The following RELN variants were observed in gnomAD, a reference collection of about 807,000 sequenced individuals.
RELN encodes the protein reelin.
Under a neutral mutation model 427.6 loss-of-function variants are expected in RELN, and 108 were observed. The ratio of observed to expected loss-of-function variants is 0.25; its 90% CI spans 0.22 to 0.30. The LOEUF is 0.30. Ranked by LOEUF, RELN falls within the 10% of genes least tolerant of loss-of-function variation. The pLI is 1.00. For missense variants in RELN, 3,715 were observed against 4,302.8 expected, an observed-to-expected ratio of 0.86 and a Z score of 3.82; for synonymous variants, 1,524 against 1,513.4, an observed-to-expected ratio of 1.01 and a Z score of -0.16.
chr7:103,709,934 A>T (rs1179487171), intron 8 of RELN, among the ~76,000 whole-genome samples: 1 of 152,216 alleles, frequency 6.6e-6, no homozygotes, highest in Non-Finnish European at 1.5e-5. Flanking sequence ...TAAAGGGAAG[A>T]TAAGATGTAA....
chr7:103,967,054 C>T (rs1219951082), intron 1 of RELN, among the ~76,000 whole-genome samples: 1 of 152,140 alleles, frequency 6.6e-6, no homozygotes, highest in Admixed American at 6.5e-5. Flanking sequence ...CTATTAATAG[C>T]TGACATTTAT....
intron 2 of RELN, among the ~76,000 whole-genome samples, chr7:103,907,414 GGAAAAAAA>G (rs1388130816): frequency 1.0e-4 from 4 of 39,714 alleles, no homozygotes; most frequent in African/African-American, 1.3e-4. Context: ...TCAAGGCTCT[GGAAAAAAA>G]AAAAAAAAAA....
rs775118980 is a variant in RELN, at chr7:103,492,029, AAAAC to A, written c.9370-7_9370-4del. On this transcript the variant is annotated splice_region_variant and splice_polypyrimidine_tract_variant and intron_variant, in intron 57 of 64. Transcript: ENST00000428762. ...GTGGCTTCACAACCCACCACAATCT[AAAAC>A]AAACATAAACAATCAATACACAGGT... The A allele has an allele frequency of 1.9e-6, 3 of 1,610,288 alleles. No individual in the cohort carries two copies. The highest frequency in any genetic ancestry group is 2.5e-6 in the Non-Finnish European group (3 of 1,177,334).
At chr7:103,725,085 A>G (rs1364564933) in intron 7 of RELN, among the ~76,000 whole-genome samples, 2 of 152,184 alleles carry the variant, frequency 1.3e-5, no homozygotes, top group African/African-American at 2.4e-5. Context: ...TAAATTATAA[A>G]TACACTCAAA....
intron 6 of RELN, among the ~76,000 whole-genome samples, chr7:103,736,135 G>A (rs1790486228): frequency 6.6e-6 from 1 of 152,122 alleles, no homozygotes; most frequent in Non-Finnish European, 1.5e-5. Flanking sequence ...GACCTTGCCG[G>A]CCATTTGGTA....
intron 38 of RELN, among the ~76,000 whole-genome samples, chr7:103,554,355 T>C (rs1456421092): frequency 1.5e-5 from 2 of 136,420 alleles, no homozygotes; most frequent in South Asian, 2.1e-4. Context: ...GATGGGCAGA[T>C]TGCCCAAGCC....
chr7:103,882,599 TAAAGG>T (rs1794633271), intron 2 of RELN, among the ~76,000 whole-genome samples: 1 of 151,916 alleles, frequency 6.6e-6, no homozygotes, highest in Non-Finnish European at 1.5e-5. Context: ...AAAAAAATGA[TAAAGG>T]AGAGATCACC....
At chr7:103,579,531 G>A (rs1051157993) in intron 28 of RELN, among the ~76,000 whole-genome samples, 2 of 151,280 alleles carry the variant, frequency 1.3e-5, no homozygotes, top group Non-Finnish European at 2.9e-5. Context: ...CCTGGGAGAT[G>A]GAGGTTGCAG....
chr7:103,883,666 G>C (rs1383916660), intron 2 of RELN, among the ~76,000 whole-genome samples: 1 of 152,146 alleles, frequency 6.6e-6, no homozygotes, highest in Non-Finnish European at 1.5e-5. Flanking sequence ...CAAATCATGA[G>C]TGAACTACCA....
At chr7:103,873,065 C>T (rs1456451356) in intron 2 of RELN, among the ~76,000 whole-genome samples, 2 of 151,724 alleles carry the variant, frequency 1.3e-5, no homozygotes, top group East Asian at 1.9e-4. Flanking sequence ...TCAAAGCCGC[C>T]CAACTACATG....
intron 51 of RELN, among the ~76,000 whole-genome samples, chr7:103,504,677 G>A (rs1011507958): frequency 1.3e-5 from 2 of 152,200 alleles, no homozygotes; most frequent in Non-Finnish European, 2.9e-5. Context: ...AAGGGAAGCC[G>A]TGAGCAACTG....
At chr7:103,630,779 G>A (rs989811037) in intron 19 of RELN, among the ~76,000 whole-genome samples, 1 of 151,270 alleles carries the variant, frequency 6.6e-6, no homozygotes, top group African/African-American at 2.4e-5. Flanking sequence ...ATTTGTCACC[G>A]TCAAAGTACA....
intron 2 of RELN, among the ~76,000 whole-genome samples, chr7:103,889,342 G>A (rs1054032217): frequency 9.8e-5 from 15 of 152,300 alleles, no homozygotes; most frequent in African/African-American, 3.6e-4. Context: ...TACCCATTAA[G>A]AGCACTGACA....
Position 103,864,109 on chromosome 7 carries a change from G to C in RELN, c.338-30437C>G, listed in dbSNP as rs112509220. Among the ~76,000 whole-genome samples, 730 of 152,196 alleles carry C rather than the reference G, an allele frequency of 4.8e-3. 10 individuals are homozygous for C. The highest frequency in any genetic ancestry group is 0.017 in the African/African-American group (704 of 41,530). ...TGCTCTCTAGATGGGCAGGTAGATA[G>C]GATCACTCACATCATTTACTTTTTA... On this transcript the variant is annotated intron_variant, in intron 2 of 64. Coordinates refer to ENST00000428762, the MANE Select transcript of RELN (RefSeq NM_005045.4).
intron 52 of RELN, among the ~76,000 whole-genome samples, chr7:103,502,540 A>G (rs901995009): frequency 1.3e-5 from 2 of 152,266 alleles, no homozygotes; most frequent in Non-Finnish European, 2.9e-5. Context: ...CTGCAGGATC[A>G]GAATACAATG....
At position 103,929,308 on chromosome 7, in the gene RELN, T is replaced by A. The variant is rs112083442; in HGVS notation, c.227-12123A>T. ...CATCTCATTACCTCTTTAACCACCT[T>A]GAGCTTCAACTCTTATCTAAAAATC... On this transcript the variant is annotated intron_variant, in intron 1 of 64. Transcript: ENST00000428762. 3.0e-3 allele frequency among the ~76,000 whole-genome samples: 459 copies of A among 152,298 alleles called. 2 individuals are homozygous for A. The highest frequency in any genetic ancestry group is 0.011 in the African/African-American group (440 of 41,564).
rs1465204537 is a variant in RELN at position 103,873,901 on chromosome 7, C to A, written c.338-40229G>T. ...TACCAAAGCCGGGCAGAGACACAAC[C>A]AAAAAGGAGAATTTTAGACCAATAT... On this transcript the variant is annotated intron_variant, in intron 2 of 64. Coordinates refer to ENST00000428762, the MANE Select transcript of RELN (RefSeq NM_005045.4). Among the ~76,000 whole-genome samples, 183 of 114,920 alleles carry A rather than the reference C, an allele frequency of 1.6e-3. 5 individuals carry two copies. The highest frequency in any genetic ancestry group is 2.8e-3 in the Non-Finnish European group (148 of 52,684). The allele number at this position is 114,920 out of a possible 152,430, so 75.4% of individuals were successfully genotyped here. A position where few individuals can be genotyped will look rare whatever the true frequency, so the allele number is the denominator to read the frequency against.
intron 2 of RELN, among the ~76,000 whole-genome samples, chr7:103,916,296 G>A (rs1311509559): frequency 6.6e-6 from 1 of 152,210 alleles, no homozygotes; most frequent in Non-Finnish European, 1.5e-5. Context: ...CTTTGTGTCT[G>A]ATAATGCAAT....
chr7:103,923,580 A>C (rs1045496366), intron 1 of RELN, among the ~76,000 whole-genome samples: 13 of 152,204 alleles, frequency 8.5e-5, no homozygotes, highest in African/African-American at 3.1e-4. Context: ...CAGGATAATA[A>C]ATTCAGTTTA....
Sources: allele counts gnomAD v4.1 joint callset (sites outside exome capture counted in the v4.1 genomes callset), GRCh38; gene constraint gnomAD v4.1.1; transcripts MANE v1.5; gene names NCBI Gene and HGNC (gene_info 2026-07-23, HGNC 2026-07-21).